Variants in CALN1 observed in about 807,000 individuals in gnomAD.
CALN1 encodes calcium-binding protein 8.
In CALN1, 17 loss-of-function variants were observed where a neutral mutation model predicts 30.6. The ratio of observed to expected loss-of-function variants is 0.56; its 90% CI spans 0.38 to 0.83. CALN1 has a LOEUF of 0.83. Among genes scored for constraint, CALN1 ranks in the 40% least tolerant of loss-of-function variants. The pLI is 0.00. For synonymous variants in CALN1, 156 were observed against 131.4 expected (o/e 1.19, Z -1.28); for missense variants, 291 against 354.9 (o/e 0.82, Z 1.45).
At chr7:71,960,720 T>G (rs144783071) in intron 5 of CALN1, among the ~76,000 whole-genome samples, 298 of 152,320 alleles carry the variant, frequency 2.0e-3, no homozygotes, top group South Asian at 5.8e-3. Context: ...TAATTTTAGA[T>G]CTTTTTTAAT....
chr7:72,159,373 G>C (rs1487313155), intron 3 of CALN1, among the ~76,000 whole-genome samples: 1 of 152,152 alleles, frequency 6.6e-6, no homozygotes, highest in Non-Finnish European at 1.5e-5. Context: ...TGTGGTGTGT[G>C]CCTGTAATCC....
chr7:72,092,625 T>TAAAAA (rs369445548), intron 4 of CALN1, among the ~76,000 whole-genome samples: 1 of 106,234 alleles, frequency 9.4e-6, no homozygotes, highest in African/African-American at 3.7e-5. Flanking sequence ...TGTATTCTAG[T>TAAAAA]AAAAAAAAAA....
intron 2 of CALN1, among the ~76,000 whole-genome samples, chr7:72,368,611 GAT>G (rs1305897702): frequency 6.6e-6 from 1 of 151,928 alleles, no homozygotes; most frequent in Non-Finnish European, 1.5e-5. Context: ...AAGTAACAAA[GAT>G]ATGAGCTACA....
intron 3 of CALN1, among the ~76,000 whole-genome samples, chr7:72,231,831 G>T (rs1339804725): frequency 3.3e-5 from 5 of 152,130 alleles, no homozygotes; most frequent in African/African-American, 1.2e-4. Context: ...GGCTGTCAGG[G>T]TAAGAGTAGA....
chr7:72,191,552 CAAAAAAAAAAA>C (rs55780039), intron 3 of CALN1, among the ~76,000 whole-genome samples: 1,054 of 72,462 alleles, frequency 0.015, 13 homozygotes, highest in Middle Eastern at 0.021. Flanking sequence ...GACTCCGTCT[CAAAAAAAAAAA>C]AAAAAAAAAA....
At chr7:71,823,447 C>T (rs111350394) in intron 5 of CALN1, among the ~76,000 whole-genome samples, 47 of 152,332 alleles carry the variant, frequency 3.1e-4, no homozygotes, top group African/African-American at 6.7e-4. Context: ...GGGCCGGGAG[C>T]GGTGGCTCAC....
intron 5 of CALN1, among the ~76,000 whole-genome samples, chr7:71,903,830 T>C (rs1793989443): frequency 6.6e-6 from 1 of 152,018 alleles, no homozygotes; most frequent in Non-Finnish European, 1.5e-5. Flanking sequence ...CCAAAACATA[T>C]AAGGAATTTA....
intron 3 of CALN1, among the ~76,000 whole-genome samples, chr7:72,172,416 A>C (rs1347479991): frequency 6.6e-6 from 1 of 152,226 alleles, no homozygotes; most frequent in Non-Finnish European, 1.5e-5. Context: ...TCAGTCTTGC[A>C]TAGCCCTGGT....
the CALN1 span, among the ~76,000 whole-genome samples, chr7:72,471,631 T>G: frequency 6.6e-6 from 1 of 152,340 alleles, no homozygotes; most frequent in African/African-American, 2.4e-5. Context: ...ATCACATGCC[T>G]GCCTTCAGCC....
intron 3 of CALN1, among the ~76,000 whole-genome samples, chr7:72,135,868 C>T (rs957513969): frequency 6.6e-6 from 1 of 152,122 alleles, no homozygotes; most frequent in Non-Finnish European, 1.5e-5. Flanking sequence ...TGCAGTGGCT[C>T]ATGCCTGTAA....
chr7:71,860,278 C>G (rs1385638976), intron 5 of CALN1, among the ~76,000 whole-genome samples: 1 of 151,654 alleles, frequency 6.6e-6, no homozygotes, highest in Non-Finnish European at 1.5e-5. Flanking sequence ...CTGCAACCTC[C>G]ACCTCCTGGG....
chr7:71,827,121 T>C (rs1261480121), intron 5 of CALN1, among the ~76,000 whole-genome samples: 1 of 152,194 alleles, frequency 6.6e-6, no homozygotes, highest in Non-Finnish European at 1.5e-5. Flanking sequence ...GGTATTCCCC[T>C]ACATCATGGG....
At chr7:72,370,648 C>G (rs1270234498) in intron 2 of CALN1, among the ~76,000 whole-genome samples, 3 of 144,660 alleles carry the variant, frequency 2.1e-5, no homozygotes, top group Non-Finnish European at 4.6e-5. Context: ...CAGAGCGAGA[C>G]TCCGTCTCAA....
intron 5 of CALN1, among the ~76,000 whole-genome samples, chr7:71,954,222 G>A (rs1005391406): frequency 6.6e-6 from 1 of 152,062 alleles, no homozygotes; most frequent in Non-Finnish European, 1.5e-5. Flanking sequence ...CGCTTTGGGA[G>A]GCCGAGGGGC....
intron 5 of CALN1, among the ~76,000 whole-genome samples, chr7:71,995,093 C>T (rs1488717990): frequency 6.6e-6 from 1 of 152,138 alleles, no homozygotes; most frequent in Non-Finnish European, 1.5e-5. Flanking sequence ...ACCTCATGAT[C>T]CGCCTGCCTC....
chr7:72,336,661 A>AAC lies in CALN1; in HGVS notation c.120-57852_120-57851insGT, dbSNP rs1554377175. On this transcript the variant is annotated intron_variant, in intron 2 of 6. Coordinates refer to ENST00000395275, the MANE Select transcript of CALN1 (RefSeq NM_031468.4). ...GAGGACCGAGGGAAGAAGAAAAGAG[A>AAC]GCGCGCGCGCGGGTAAGCTAGGGAG... is the stretch of plus-strand genomic sequence containing the variant. 3.7e-5 allele frequency: 36 copies of AAC among 974,384 alleles called. No individual in the cohort carries two copies. In the Middle Eastern group the frequency reaches 2.1e-3, roughly 57 times the overall value. 60.4% of individuals were successfully genotyped at this position (974,384 alleles called of 1,614,324 possible). A position where few individuals can be genotyped will look rare whatever the true frequency, so the allele number is the denominator to read the frequency against.
At chr7:72,345,826 G>A (rs993889642) in intron 2 of CALN1, among the ~76,000 whole-genome samples, 31 of 152,186 alleles carry the variant, frequency 2.0e-4, no homozygotes, top group Middle Eastern at 6.8e-3. Context: ...TACCCTAAAC[G>A]CCTGCCGCAT....
At chr7:72,389,436 G>T (rs1028270391) in intron 2 of CALN1, among the ~76,000 whole-genome samples, 14 of 152,186 alleles carry the variant, frequency 9.2e-5, no homozygotes, top group African/African-American at 3.4e-4. Flanking sequence ...CCTTAAAAGT[G>T]TCAGAGGCAT....
Position 72,006,620 on chromosome 7 carries a change from CAAAT to C in CALN1, c.501+17033_501+17036del, listed in dbSNP as rs1258530533. ...TGAATGAGGTTATACCCAGTGAAAA[CAAAT>C]AAAGAGAAAATGAGATGAGGTTAGT... On this transcript the variant is annotated intron_variant, in intron 5 of 6. Transcript: ENST00000395275. Among the ~76,000 whole-genome samples the C allele has an allele frequency of 3.3e-5, 5 of 150,410 alleles. No individual in the cohort carries two copies. The East Asian group carries it at 7.8e-4, about 24-fold the overall frequency.
Sources: allele counts gnomAD v4.1 joint callset (sites outside exome capture counted in the v4.1 genomes callset), GRCh38; gene constraint gnomAD v4.1.1; transcripts MANE v1.5; gene names NCBI Gene and HGNC (gene_info 2026-07-23, HGNC 2026-07-21).